The following ADAM2 variants were observed in gnomAD, a reference collection of about 807,000 sequenced individuals.
ADAM2 encodes the protein ADAM metallopeptidase domain 2.
A neutral mutation model predicts 99.3 loss-of-function variants in ADAM2; 101 were observed. The ratio of observed to expected loss-of-function variants is 1.02; its 90% CI spans 0.87 to 1.20. ADAM2 has a LOEUF of 1.20. Ranked by LOEUF, ADAM2 falls within the 50% of genes most tolerant of loss-of-function variation. The probability of loss-of-function intolerance (pLI) is 0.00; values close to 1 mark genes in which losing one functional copy is unlikely to be tolerated. For synonymous variants in ADAM2, 323 were observed against 287.6 expected (o/e 1.12, Z -1.25); for missense variants, 948 against 878.7 (o/e 1.08, Z -1.00).
At chr8:39,826,386 A>C (rs534736018) in intron 3 of ADAM2, among the ~76,000 whole-genome samples, 1 of 152,336 alleles carries the variant, frequency 6.6e-6, no homozygotes, top group East Asian at 1.9e-4. Flanking sequence ...CTGGACACCC[A>C]CATGCAGAAA....
At chr8:39,823,033 C>A (rs1472492362) in intron 4 of ADAM2, among the ~76,000 whole-genome samples, 2 of 152,148 alleles carry the variant, frequency 1.3e-5, no homozygotes, top group Non-Finnish European at 2.9e-5. Flanking sequence ...TCCCAAAGTT[C>A]TGGGATTACC....
chr8:39,755,984 A>G (rs909252785), intron 15 of ADAM2, 73 bp from the exon 16 acceptor site: 3 of 827,238 alleles, frequency 3.6e-6, no homozygotes, highest in Non-Finnish European at 5.4e-6. Context: ...TTTAAAATAG[A>G]TAGATTTAAA....
chr8:39,754,282 A>G (rs1273806058), intron 16 of ADAM2, among the ~76,000 whole-genome samples: 1 of 152,170 alleles, frequency 6.6e-6, no homozygotes, highest in African/African-American at 2.4e-5. Context: ...GAGGATCACA[A>G]ACAAGATCTA....
intron 7 of ADAM2, among the ~76,000 whole-genome samples, chr8:39,791,052 T>A (rs1803689169): frequency 6.6e-6 from 1 of 151,404 alleles, no homozygotes; most frequent in Non-Finnish European, 1.5e-5. Context: ...TTATAACACT[T>A]ACAATTTAAA....
chr8:39,745,984 T>G lies in ADAM2; in HGVS notation c.2174+488A>C, dbSNP rs144307444. ...ATTATTATATGTGTATATATGCATGTGTATGTGTGTGTGTGTGTGCATGTG... is the reference window on the plus strand; with the variant it reads ...ATTATTATATGTGTATATATGCATGGGTATGTGTGTGTGTGTGTGCATGTG... On this transcript the variant is annotated intron_variant, in intron 19 of 20. Transcript: ENST00000265708. 5.7e-3 allele frequency among the ~76,000 whole-genome samples: 849 copies of G among 148,736 alleles called. 5 individuals are homozygous for G. Among genetic ancestry groups the G allele is most frequent in the African/African-American group, 0.02 (793 of 40,216 alleles).
chr8:39,808,134 A>G (rs1369755337), intron 7 of ADAM2, among the ~76,000 whole-genome samples: 6 of 152,064 alleles, frequency 3.9e-5, no homozygotes, highest in African/African-American at 1.2e-4. Flanking sequence ...GGAAAGGCTA[A>G]AACAAAGTTA....
At chr8:39,795,453 T>C (rs894747582) in intron 7 of ADAM2, among the ~76,000 whole-genome samples, 1 of 152,188 alleles carries the variant, frequency 6.6e-6, no homozygotes, top group Non-Finnish European at 1.5e-5. Context: ...GATAAAACCT[T>C]GGTCTCCACA....
intron 7 of ADAM2, among the ~76,000 whole-genome samples, chr8:39,799,317 G>C (rs1447092758): frequency 6.6e-6 from 1 of 152,210 alleles, no homozygotes; most frequent in African/African-American, 2.4e-5. Context: ...TTCAGGAACA[G>C]GTTGTTCAAT....
chr8:39,749,539 T>C, intron 17 of ADAM2, 89 bp from the exon 18 acceptor site: 7 of 1,486,564 alleles, frequency 4.7e-6, no homozygotes, highest in East Asian at 2.3e-5. Context: ...GTAGGTCAGC[T>C]AAGGCCAATT....
rs755852354 is a variant in ADAM2, at chr8:39,755,913, T to C, written c.1614-2A>G. The stretch of plus-strand genomic sequence containing the variant: ...ATTAATTTTCCGCACTGCAGATTGC[T>C]ATAATTTATCCACAAATAAAAATTA... On this transcript the variant is annotated splice_acceptor_variant, in intron 15 of 20. Transcript: ENST00000265708. LOFTEE classifies it high-confidence loss of function. The C allele has an allele frequency of 2.0e-5, 29 of 1,417,050 alleles. No homozygotes were observed. Among genetic ancestry groups the C allele is most frequent in the Non-Finnish European group, 2.8e-5 (29 of 1,028,950 alleles). 87.8% of individuals were successfully genotyped at this position (1,417,050 alleles called of 1,614,324 possible).
chr8:39,838,001 T>G, intron 1 of ADAM2, 130 bp downstream of exon 1: 51 of 977,746 alleles, frequency 5.2e-5, no homozygotes, highest in Non-Finnish European at 7.2e-5. Context: ...ATGTCGGGGA[T>G]GAGCTTGGAA....
At chr8:39,824,794 A>G (rs375791125) in intron 4 of ADAM2, 25 bp downstream of exon 4, 17 of 1,306,738 alleles carry the variant, frequency 1.3e-5, no homozygotes, top group Non-Finnish European at 1.6e-5. Context: ...CATGACAAAA[A>G]TAAAAGAGAT....
chr8:39,816,367 T>C (rs13274165), intron 6 of ADAM2, among the ~76,000 whole-genome samples: 56,900 of 151,946 alleles, frequency 0.37, 11,230 homozygotes, highest in East Asian at 0.6. Flanking sequence ...TCAGGAGATA[T>C]AAAATTGTCA....
At chr8:39,818,136 G>A (rs1186262326) in intron 6 of ADAM2, 3 of 151,768 alleles carry the variant, frequency 2.0e-5, no homozygotes, top group Non-Finnish European at 4.4e-5. Flanking sequence ...AAACAAGTCT[G>A]CACAGCAATA....
At chr8:39,792,171 C>G (rs1803743120) in intron 7 of ADAM2, among the ~76,000 whole-genome samples, 1 of 151,576 alleles carries the variant, frequency 6.6e-6, no homozygotes, top group African/African-American at 2.4e-5. Flanking sequence ...ACTCTATCTT[C>G]TGGTATACCT....
chr8:39,788,593 T>C (rs901588130), intron 8 of ADAM2, 76 bp downstream of exon 8: 9 of 1,001,802 alleles, frequency 9.0e-6, no homozygotes, highest in Middle Eastern at 2.1e-4. Flanking sequence ...TGTGGATTCA[T>C]GTAGTGTCAT....
rs1805337234 is a variant in ADAM2, at chr8:39,824,861, A to G, written c.225T>C (p.Tyr75=). The change falls in exon 4 of 21, where the codon TAT becomes TAC. Residue 75 remains tyrosine (Y), a synonymous_variant. Coordinates refer to ENST00000265708, the MANE Select transcript of ADAM2 (RefSeq NM_001464.5). ...GTGGTTTCATAATTCCTGTGCCACT[A>G]TAACTGTAAACTCTAAAATTATGGG... The part of the protein sequence containing the change: ...FLPHNFRVYS[Y]SGTGIMKPLD... The G allele has an allele frequency of 6.4e-7, 1 of 1,571,860 alleles. No individual in the cohort carries two copies. The highest frequency in any genetic ancestry group is 8.7e-7 in the Non-Finnish European group (1 of 1,148,260).
In ADAM2 at chr8:39,764,827, A is replaced by T. The variant is rs528248587; in HGVS notation, c.1507+2021T>A. Among the ~76,000 whole-genome samples the T allele has an allele frequency of 3.9e-5, 6 of 152,094 alleles. 1 individual carries two copies. The South Asian group carries it at 1.2e-3, about 31-fold the overall frequency. On this transcript the variant is annotated intron_variant, in intron 14 of 20. Transcript: ENST00000265708. ...TCAGGAGTTCGAGACCAGCCTGGCCAACATGGCAAAACCCTATCTCTATTA... is the reference window on the plus strand; with the variant it reads ...TCAGGAGTTCGAGACCAGCCTGGCCTACATGGCAAAACCCTATCTCTATTA...
At chr8:39,755,578 G>T (rs1040818941) in intron 16 of ADAM2, 150 bp downstream of exon 16, 1 of 576,510 alleles carries the variant, frequency 1.7e-6, no homozygotes, top group Non-Finnish European at 3.0e-6. Flanking sequence ...AGAGGCTGAG[G>T]CAGGAGAATC....
Sources: gnomAD v4.1 joint callset for allele counts (sites outside exome capture counted in the v4.1 genomes callset) on GRCh38, gnomAD v4.1.1 for gene constraint, MANE v1.5 for transcripts, NCBI Gene and HGNC (gene_info 2026-07-23, HGNC 2026-07-21) for gene names.